NGF: variants seen among roughly 807,000 people sequenced by gnomAD.
The protein encoded by NGF is beta-nerve growth factor.
In NGF, 4 loss-of-function variants were observed where a neutral mutation model predicts 12.8. That is an observed-to-expected ratio of 0.31 (90% CI 0.15 to 0.72). NGF has a LOEUF of 0.72. NGF is among the 30% of genes least tolerant of loss of function. The pLI, the probability that NGF is intolerant of heterozygous loss-of-function variation, is 0.69. For synonymous variants in NGF, 140 were observed against 130.0 expected (o/e 1.08, Z -0.52); for missense variants, 283 against 330.8 (o/e 0.86, Z 1.12).
chr1:115,291,022 T>C (rs1169753039), intron 2 of NGF, among the ~76,000 whole-genome samples: 1 of 152,226 alleles, frequency 6.6e-6, no homozygotes, highest in African/African-American at 2.4e-5. Context: ...CTTCACAAAG[T>C]TCCTACACTC....
chr1:115,302,477 C>T (rs1654066941), intron 1 of NGF, among the ~76,000 whole-genome samples: 1 of 152,062 alleles, frequency 6.6e-6, no homozygotes, highest in Admixed American at 6.5e-5. Flanking sequence ...TGGCAATCAC[C>T]TCATTGTTTA....
intron 1 of NGF, among the ~76,000 whole-genome samples, chr1:115,295,591 GGCTGGAACCCACA>G (rs1653843444): frequency 6.6e-6 from 1 of 152,084 alleles, no homozygotes; most frequent in Non-Finnish European, 1.5e-5. Context: ...AAAGGTTGCA[GGCTGGAACCCACA>G]CACCTGCATT....
At position 115,286,053 on chromosome 1, in the gene NGF, G is replaced by C; in HGVS notation, c.*17C>G. 5 of 1,612,418 alleles carry C rather than the reference G, an allele frequency of 3.1e-6. No homozygotes were observed. Among genetic ancestry groups the C allele is most frequent in the Non-Finnish European group, 4.2e-6 (5 of 1,179,406 alleles). On this transcript the variant is annotated 3_prime_UTR_variant, in exon 3 of 3. Coordinates refer to ENST00000369512, the MANE Select transcript of NGF (RefSeq NM_002506.3). ...GGAGAGTGTAGAAGGGGCAGGGGGA[G>C]GGAGCGTGTCGGCAGGTCAGGCTCT...
intron 1 of NGF, among the ~76,000 whole-genome samples, chr1:115,314,244 G>A (rs1366939126): frequency 6.6e-6 from 1 of 152,120 alleles, no homozygotes; most frequent in Admixed American, 6.5e-5. Flanking sequence ...CTTTTGGCTT[G>A]GATCCAATCG....
At chr1:115,291,817 A>AT (rs1385653816) in intron 2 of NGF, among the ~76,000 whole-genome samples, 1 of 152,172 alleles carries the variant, frequency 6.6e-6, no homozygotes, top group Non-Finnish European at 1.5e-5. Flanking sequence ...TGTGGTTAGG[A>AT]GGGCTGATGG....
intron 2 of NGF, 131 bp from the exon 3 acceptor site, chr1:115,286,938 A>G: frequency 8.8e-7 from 1 of 1,139,320 alleles, no homozygotes; most frequent in Non-Finnish European, 1.3e-6. Context: ...GGCACTTCTG[A>G]GAGGGAAAGG....
chr1:115,331,115 C>G (rs1237889395), intron 1 of NGF, among the ~76,000 whole-genome samples: 1 of 151,832 alleles, frequency 6.6e-6, no homozygotes, highest in Non-Finnish European at 1.5e-5. Context: ...CGGGAAGGGG[C>G]CTCAGCTTAC....
rs917880427 is a variant in NGF, at chr1:115,288,217, G to A, written c.-12-1410C>T. ...CATATGTGTGTGTTCATGTGAGTGTGAGTGTGTGTGTTCTCTCCTACTAAA... is the reference window on the plus strand; with the variant it reads ...CATATGTGTGTGTTCATGTGAGTGTAAGTGTGTGTGTTCTCTCCTACTAAA... On this transcript the variant is annotated intron_variant, in intron 2 of 2. Transcript: ENST00000369512. 4.6e-5 allele frequency among the ~76,000 whole-genome samples: 7 copies of A among 152,334 alleles called. 1 individual carries two copies. The East Asian group carries it at 7.7e-4, about 17-fold the overall frequency.
intron 1 of NGF, among the ~76,000 whole-genome samples, chr1:115,295,431 T>G (rs2101027779): frequency 6.6e-6 from 1 of 152,226 alleles, no homozygotes; most frequent in East Asian, 1.9e-4. Context: ...AAAGAACATT[T>G]TCATGCTCTC....
chr1:115,324,926 C>G (rs185598059), intron 1 of NGF, among the ~76,000 whole-genome samples: 2 of 152,312 alleles, frequency 1.3e-5, no homozygotes, highest in East Asian at 3.9e-4. Context: ...CCTCAATAAA[C>G]ACAGCAAAGT....
chr1:115,324,000 G>C (rs1654700952), intron 1 of NGF, among the ~76,000 whole-genome samples: 1 of 152,132 alleles, frequency 6.6e-6, no homozygotes, highest in Admixed American at 6.5e-5. Flanking sequence ...TGGAATCCCG[G>C]GACCTTGGAA....
At chr1:115,309,723 G>A (rs1020065152) in intron 1 of NGF, among the ~76,000 whole-genome samples, 4 of 152,118 alleles carry the variant, frequency 2.6e-5, no homozygotes, top group African/African-American at 7.2e-5. Context: ...GGAATACTAT[G>A]CAGCCATAAA....
intron 2 of NGF, among the ~76,000 whole-genome samples, chr1:115,291,639 T>C (rs1653702245): frequency 6.6e-6 from 1 of 152,236 alleles, no homozygotes; most frequent in African/African-American, 2.4e-5. Context: ...TGCCCTGCCC[T>C]CTTGCCCTCT....
chr1:115,306,200 CTA>C (rs1316156776), intron 1 of NGF, among the ~76,000 whole-genome samples: 2 of 152,156 alleles, frequency 1.3e-5, no homozygotes. Flanking sequence ...CAAGCAAAGA[CTA>C]TGGTTTGAGG....
intron 1 of NGF, among the ~76,000 whole-genome samples, chr1:115,308,486 GA>G (rs1654258720): frequency 6.6e-6 from 1 of 152,176 alleles, no homozygotes; most frequent in Non-Finnish European, 1.5e-5. Flanking sequence ...GTCATTACAG[GA>G]AACACAATGG....
chr1:115,291,243 ACT>A (rs1385944318), intron 2 of NGF, among the ~76,000 whole-genome samples: 1 of 152,092 alleles, frequency 6.6e-6, no homozygotes, highest in Non-Finnish European at 1.5e-5. Flanking sequence ...TTAAAAAAAA[ACT>A]CTCTTAAAAG....
chr1:115,323,436 T>G (rs1463876142), intron 1 of NGF, among the ~76,000 whole-genome samples: 1 of 152,140 alleles, frequency 6.6e-6, no homozygotes, highest in Non-Finnish European at 1.5e-5. Context: ...TCAGCAGCTC[T>G]CTAAGGAAGC....
chr1:115,329,258 C>T (rs1181430865), intron 1 of NGF, among the ~76,000 whole-genome samples: 4 of 152,158 alleles, frequency 2.6e-5, no homozygotes, highest in Admixed American at 6.5e-5. Context: ...CTTCATACAT[C>T]TATGTATGTA....
intron 1 of NGF, among the ~76,000 whole-genome samples, chr1:115,333,693 CTTTCTTTCTTTCTTTCTTTCTT>C (rs1223733961): frequency 9.5e-5 from 6 of 63,104 alleles, no homozygotes; most frequent in African/African-American, 7.3e-4. Flanking sequence ...TTCTTTCTTT[CTTTCTTTCTTTCTTTCTTTCTT>C]TTCTTTCTTT....
Sources: allele counts gnomAD v4.1 joint callset (sites outside exome capture counted in the v4.1 genomes callset), GRCh38; gene constraint gnomAD v4.1.1; transcripts MANE v1.5; gene names NCBI Gene and HGNC (gene_info 2026-07-23, HGNC 2026-07-21).